Variants in NRG3 observed in about 807,000 individuals in gnomAD.
NRG3 encodes neuregulin 3.
Under a neutral mutation model 66.9 loss-of-function variants are expected in NRG3, and 31 were observed. That is an observed-to-expected ratio of 0.46 (90% CI 0.35 to 0.63). The LOEUF is 0.63. Ranked by LOEUF, NRG3 falls within the 20% of genes least tolerant of loss-of-function variation. NRG3 has a pLI of 0.00. For missense variants in NRG3, 910 were observed against 878.9 expected, an observed-to-expected ratio of 1.04 and a Z score of -0.45; for synonymous variants, 393 against 359.4, an observed-to-expected ratio of 1.09 and a Z score of -1.06.
chr10:81,891,747 C>T (rs1843028125), intron 1 of NRG3, among the ~76,000 whole-genome samples: 1 of 152,148 alleles, frequency 6.6e-6, no homozygotes, highest in East Asian at 1.9e-4. Flanking sequence ...GGAATGCAGG[C>T]TCAGCTCTGC....
At chr10:81,978,672 T>C (rs1459160429) in intron 1 of NRG3, among the ~76,000 whole-genome samples, 6 of 152,132 alleles carry the variant, frequency 3.9e-5, no homozygotes. Context: ...AGTGATCTTA[T>C]TTTCGTAAAC....
At chr10:82,540,662 A>G (rs2132747624) in intron 2 of NRG3, among the ~76,000 whole-genome samples, 1 of 152,232 alleles carries the variant, frequency 6.6e-6, no homozygotes, top group Non-Finnish European at 1.5e-5. Flanking sequence ...GATGAGATGG[A>G]AAAGTGATGG....
chr10:82,425,804 T>C (rs1458043311), intron 2 of NRG3, among the ~76,000 whole-genome samples: 1 of 152,188 alleles, frequency 6.6e-6, no homozygotes, highest in Non-Finnish European at 1.5e-5. Flanking sequence ...GTCTTGCCTG[T>C]TGTCTTTGGG....
intron 4 of NRG3, among the ~76,000 whole-genome samples, chr10:82,913,875 C>T (rs1033860401): frequency 1.3e-5 from 2 of 152,270 alleles, no homozygotes; most frequent in East Asian, 3.9e-4. Flanking sequence ...ATTATTACTT[C>T]AAAACCTTTT....
At chr10:82,365,360 C>T (rs973014457) in intron 2 of NRG3, among the ~76,000 whole-genome samples, 14 of 152,130 alleles carry the variant, frequency 9.2e-5, no homozygotes, top group African/African-American at 2.9e-4. Context: ...AGGTGAAGAA[C>T]CTTAGAAGAA....
At chr10:82,261,371 G>A (rs2078022960) in intron 1 of NRG3, among the ~76,000 whole-genome samples, 1 of 152,176 alleles carries the variant, frequency 6.6e-6, no homozygotes, top group South Asian at 2.1e-4. Context: ...CCCCAGCCAT[G>A]TGGAACTGAG....
chr10:82,792,233 TC>T (rs1408108840), intron 3 of NRG3, among the ~76,000 whole-genome samples: 1 of 152,154 alleles, frequency 6.6e-6, no homozygotes, highest in African/African-American at 2.4e-5. Flanking sequence ...TACTTTATCA[TC>T]TGGAAGTAAT....
intron 4 of NRG3, among the ~76,000 whole-genome samples, chr10:82,931,093 C>T (rs1400842321): frequency 6.6e-6 from 1 of 152,164 alleles, no homozygotes; most frequent in Non-Finnish European, 1.5e-5. Flanking sequence ...AGCCACTGCA[C>T]ACATCCCCTC....
chr10:82,086,034 C>T (rs901543658), intron 1 of NRG3, among the ~76,000 whole-genome samples: 7 of 152,090 alleles, frequency 4.6e-5, no homozygotes, highest in East Asian at 1.9e-4. Context: ...GTTCAAACCA[C>T]AGCACAATGG....
chr10:82,931,958 A>C (rs970343619), intron 4 of NRG3, among the ~76,000 whole-genome samples: 1 of 152,208 alleles, frequency 6.6e-6, no homozygotes, highest in African/African-American at 2.4e-5. Context: ...TTGTGAAATG[A>C]AGATAAAATT....
chr10:81,974,382 C>T lies in NRG3; in HGVS notation c.823+98219C>T, dbSNP rs147930146. On this transcript the variant is annotated intron_variant, in intron 1 of 8. Transcript: ENST00000372141. ...CAAGGATGACACAAGATTTTTATAC[C>T]GAGCCAAGCTTGTTATGACTGTGGC... Among the ~76,000 whole-genome samples the T allele has an allele frequency of 2.7e-3, 417 of 152,044 alleles. 1 individual carries two copies. Among genetic ancestry groups the T allele is most frequent in the Middle Eastern group, 0.01 (3 of 294 alleles).
intron 1 of NRG3, among the ~76,000 whole-genome samples, chr10:82,193,026 A>C (rs1316932979): frequency 6.6e-6 from 1 of 152,114 alleles, no homozygotes; most frequent in Non-Finnish European, 1.5e-5. Flanking sequence ...AGAGGTAGAG[A>C]GAGAAGAGCT....
chr10:82,481,219 A>G (rs999192598), intron 2 of NRG3, among the ~76,000 whole-genome samples: 11 of 152,350 alleles, frequency 7.2e-5, no homozygotes, highest in East Asian at 5.8e-4. Context: ...TAACTGCGTT[A>G]TGACTTGAAA....
At chr10:82,903,434 A>T (rs1432395443) in intron 4 of NRG3, among the ~76,000 whole-genome samples, 1 of 152,136 alleles carries the variant, frequency 6.6e-6, no homozygotes, top group African/African-American at 2.4e-5. Flanking sequence ...ACCCATACAA[A>T]GTTCTGCTAG....
At chr10:82,330,114 T>C (rs1424289868) in intron 1 of NRG3, among the ~76,000 whole-genome samples, 1 of 152,206 alleles carries the variant, frequency 6.6e-6, no homozygotes, top group East Asian at 1.9e-4. Flanking sequence ...TAGGAACAAC[T>C]TAATAAGAAG....
intron 2 of NRG3, among the ~76,000 whole-genome samples, chr10:82,716,835 A>G (rs2057001727): frequency 6.6e-6 from 1 of 152,226 alleles, no homozygotes; most frequent in East Asian, 1.9e-4. Context: ...CAACTGGTGG[A>G]CTAGTCTCCA....
At chr10:81,880,112 A>G (rs1842043817) in intron 1 of NRG3, among the ~76,000 whole-genome samples, 1 of 152,144 alleles carries the variant, frequency 6.6e-6, no homozygotes, top group Admixed American at 6.6e-5. Flanking sequence ...TTCTGCTTTA[A>G]TCAATTATGC....
chr10:82,345,973 A>G (rs1374401416), intron 1 of NRG3, among the ~76,000 whole-genome samples: 9 of 152,194 alleles, frequency 5.9e-5, no homozygotes, highest in African/African-American at 9.7e-5. Flanking sequence ...GGCTGAGACA[A>G]TGCGGTTTTC....
chr10:82,934,587 A>G (rs369225722), intron 4 of NRG3, among the ~76,000 whole-genome samples: 6 of 152,212 alleles, frequency 3.9e-5, no homozygotes, highest in African/African-American at 1.4e-4. Context: ...GCTGAGGCAC[A>G]CTTATCACCA....
Sources: gnomAD v4.1 joint callset for allele counts (sites outside exome capture counted in the v4.1 genomes callset) on GRCh38, gnomAD v4.1.1 for gene constraint, MANE v1.5 for transcripts, NCBI Gene and HGNC (gene_info 2026-07-23, HGNC 2026-07-21) for gene names.